The following DCBLD2 variants were observed in gnomAD, a reference collection of about 807,000 sequenced individuals.
DCBLD2 encodes the protein discoidin, CUB and LCCL domain-containing protein 2.
A neutral mutation model predicts 86.8 loss-of-function variants in DCBLD2; 54 were observed. The observed-to-expected ratio is 0.62, with a 90% CI of 0.50 to 0.78. The LOEUF is 0.78. DCBLD2 is among the 30% of genes least tolerant of loss of function. The pLI, the probability that DCBLD2 is intolerant of heterozygous loss-of-function variation, is 0.00. For synonymous variants in DCBLD2, 354 were observed against 341.3 expected (o/e 1.04, Z -0.41); for missense variants, 908 against 954.2 (o/e 0.95, Z 0.64).
intron 9 of DCBLD2, chr3:98,815,269 T>G (rs1401316089): frequency 6.6e-6 from 1 of 152,080 alleles, no homozygotes; most frequent in East Asian, 1.9e-4. Context: ...TTCCTTACAC[T>G]GCCAAGAGGT....
chr3:98,807,709 A>C (rs1485975410), intron 13 of DCBLD2, among the ~76,000 whole-genome samples: 1 of 152,178 alleles, frequency 6.6e-6, no homozygotes, highest in Non-Finnish European at 1.5e-5. Context: ...AACTTCAGTT[A>C]ATTCTCATGG....
intron 9 of DCBLD2, chr3:98,813,144 A>G (rs1461236683): frequency 2.0e-5 from 3 of 152,250 alleles, no homozygotes; most frequent in African/African-American, 7.2e-5. Flanking sequence ...CAAGGAATGC[A>G]TTGGCGGGAT....
At chr3:98,865,343 T>C (rs1197714177) in intron 2 of DCBLD2, among the ~76,000 whole-genome samples, 3 of 151,770 alleles carry the variant, frequency 2.0e-5, no homozygotes, top group Non-Finnish European at 4.4e-5. Flanking sequence ...GAGGATATGA[T>C]GTTAAGCGAA....
In DCBLD2 at chr3:98,819,288, T is replaced by A. The variant is rs1330082723; in HGVS notation, c.1001A>T (p.Lys334Ile). The A allele has an allele frequency of 1.9e-6, 3 of 1,613,678 alleles. No homozygotes were observed. In the South Asian group the frequency reaches 3.3e-5, roughly 18 times the overall value. The change falls in exon 8 of 16, where the codon AAA (lysine) becomes ATA (isoleucine). Residue 334 changes from lysine to isoleucine, a missense_variant. Coordinates refer to ENST00000326840, the MANE Select transcript of DCBLD2 (RefSeq NM_080927.4). ...NSWKPKKARL[K>I]KPGPPWAAFA... ...AGCAGCCCAAGGCGGTCCAGGTTTT[T>A]TCAGCCTGGCTTTTTTGGGTTTCCA...
At chr3:98,859,198 A>G (rs62278525) in intron 2 of DCBLD2, among the ~76,000 whole-genome samples, 4,763 of 152,222 alleles carry the variant, frequency 0.031, 105 homozygotes, top group Middle Eastern at 0.075. Flanking sequence ...ACCATTGCTG[A>G]GGGTTGAGTA....
intron 3 of DCBLD2, among the ~76,000 whole-genome samples, chr3:98,829,274 C>T (rs28802000): frequency 0.43 from 65,859 of 151,882 alleles, 14,458 homozygotes; most frequent in African/African-American, 0.46. Context: ...GAACATAGTA[C>T]CCAACAGGTA....
intron 2 of DCBLD2, among the ~76,000 whole-genome samples, chr3:98,873,719 TA>T (rs199959821): frequency 1.9e-4 from 29 of 149,724 alleles, no homozygotes; most frequent in Non-Finnish European, 2.8e-4. Context: ...GTTAACAAAG[TA>T]AAAAAAAAAT....
At chr3:98,862,897 AG>A (rs1450708352) in intron 2 of DCBLD2, among the ~76,000 whole-genome samples, 3 of 152,184 alleles carry the variant, frequency 2.0e-5, no homozygotes, top group Non-Finnish European at 2.9e-5. Context: ...AAAGAAATAA[AG>A]GGTATTCAGT....
At chr3:98,819,072 A>T in intron 8 of DCBLD2, 130 bp downstream of exon 8, 1 of 887,378 alleles carries the variant, frequency 1.1e-6, no homozygotes, top group Non-Finnish European at 1.7e-6. Flanking sequence ...TATTAACATC[A>T]GTGAAGAAAA....
At chr3:98,804,561 C>T (rs142414900) in intron 13 of DCBLD2, among the ~76,000 whole-genome samples, 277 of 152,258 alleles carry the variant, frequency 1.8e-3, no homozygotes, top group Admixed American at 6.5e-3. Flanking sequence ...CTGCTCTGAT[C>T]TTAGTTATTT....
chr3:98,855,382 T>A (rs1157194119), intron 2 of DCBLD2, among the ~76,000 whole-genome samples: 2 of 152,130 alleles, frequency 1.3e-5, no homozygotes, highest in Non-Finnish European at 2.9e-5. Flanking sequence ...TATAAAATAG[T>A]ACAGCCACAA....
At chr3:98,886,194 A>C (rs1054792360) in intron 1 of DCBLD2, among the ~76,000 whole-genome samples, 16 of 151,986 alleles carry the variant, frequency 1.1e-4, no homozygotes, top group African/African-American at 3.1e-4. Context: ...AGTAAAAGGA[A>C]TGTTTTATTT....
Position 98,901,435 on chromosome 3 carries a change from G to T in DCBLD2, c.-109C>A, listed in dbSNP as rs947415359. ...GGCGGCAGCGGCGGGAGAACAAGAG[G>T]CAGCCCTCGCCTCACCCCGCGCCGG... On this transcript the variant is annotated 5_prime_UTR_variant, in exon 1 of 16. Coordinates refer to ENST00000326840, the MANE Select transcript of DCBLD2 (RefSeq NM_080927.4). 302 of 1,139,360 alleles carry T rather than the reference G, an allele frequency of 2.7e-4. No homozygotes were observed. In the Middle Eastern group the frequency reaches 2.9e-3, roughly 11 times the overall value. The allele number at this position is 1,139,360 out of a possible 1,614,324, so 70.6% of individuals were successfully genotyped here.
At chr3:98,894,853 T>G (rs1301486696) in intron 1 of DCBLD2, among the ~76,000 whole-genome samples, 1 of 151,964 alleles carries the variant, frequency 6.6e-6, no homozygotes, top group African/African-American at 2.4e-5. Flanking sequence ...ATGATAAGTA[T>G]TAGAAATAAG....
chr3:98,886,809 CTTTTT>C (rs1553734159), intron 1 of DCBLD2, among the ~76,000 whole-genome samples: 1 of 121,480 alleles, frequency 8.2e-6, no homozygotes, highest in African/African-American at 3.0e-5. Context: ...AACCCCCCCC[CTTTTT>C]TTTTTTTTTT....
intron 3 of DCBLD2, among the ~76,000 whole-genome samples, chr3:98,845,746 T>C (rs1942709672): frequency 6.6e-6 from 1 of 152,176 alleles, no homozygotes; most frequent in African/African-American, 2.4e-5. Flanking sequence ...CCCAACCCAA[T>C]CTACTTCAGC....
intron 2 of DCBLD2, among the ~76,000 whole-genome samples, chr3:98,850,983 A>T (rs1942825691): frequency 1.3e-5 from 2 of 152,244 alleles, no homozygotes; most frequent in African/African-American, 4.8e-5. Context: ...ACCCACAGCC[A>T]ATATCATACT....
intron 3 of DCBLD2, among the ~76,000 whole-genome samples, chr3:98,827,088 G>A (rs1172455433): frequency 6.6e-6 from 1 of 152,158 alleles, no homozygotes; most frequent in Non-Finnish European, 1.5e-5. Context: ...TTCAAGGCAA[G>A]TGTATAAATT....
intron 2 of DCBLD2, among the ~76,000 whole-genome samples, chr3:98,864,158 C>G (rs2107503021): frequency 6.6e-6 from 1 of 152,272 alleles, no homozygotes; most frequent in South Asian, 2.1e-4. Flanking sequence ...AATGAGATAC[C>G]ACCTCACACC....
Sources: gnomAD v4.1 joint callset for allele counts (sites outside exome capture counted in the v4.1 genomes callset) on GRCh38, gnomAD v4.1.1 for gene constraint, MANE v1.5 for transcripts, NCBI Gene and HGNC (gene_info 2026-07-23, HGNC 2026-07-21) for gene names.